GLI3: variants seen among roughly 807,000 people sequenced by gnomAD.
GLI3 encodes the protein GLI family zinc finger 3.
In GLI3, 20 loss-of-function variants were observed where a neutral mutation model predicts 100.8. That is an observed-to-expected ratio of 0.20 (90% CI 0.14 to 0.29). GLI3 has a LOEUF of 0.29. GLI3 is among the 10% of genes least tolerant of loss of function. The pLI is 1.00. For synonymous variants in GLI3, 938 were observed against 860.5 expected, an observed-to-expected ratio of 1.09 and a Z score of -1.58; for missense variants, 2,040 against 2,128.5, an observed-to-expected ratio of 0.96 and a Z score of 0.82.
chr7:42,182,717 T>TAC (rs66997611), intron 2 of GLI3, among the ~76,000 whole-genome samples: 1,889 of 118,654 alleles, frequency 0.016, 35 homozygotes, highest in African/African-American at 0.034. Flanking sequence ...CACATATAAA[T>TAC]ACACACACAC....
At chr7:42,259,036 T>C (rs889186277) in intron 1 of GLI3, among the ~76,000 whole-genome samples, 2 of 152,242 alleles carry the variant, frequency 1.3e-5, no homozygotes, top group Non-Finnish European at 2.9e-5. Context: ...ATGGGCTCCA[T>C]GGCAGACCTC....
In GLI3 at chr7:42,148,392, C is replaced by T. The variant is rs1194051464; in HGVS notation, c.201G>A (p.Gly67=). The part of the protein sequence containing the change: ...AITMQPQNVQ[G]LSKVSEEPST... ...AAGGTTCCTCACTGACTTTGCTGAG[C>T]CCCTGGACATTCTGTGGCTGCATAG... Residue 67 remains glycine (G), a synonymous_variant, in exon 3 of 15, where the codon GGG becomes GGA. Transcript: ENST00000395925. 2.5e-6 allele frequency: 4 copies of T among 1,614,126 alleles called. No homozygotes were observed. The highest frequency in any genetic ancestry group is 2.2e-5 in the East Asian group (1 of 44,872).
chr7:42,009,357 AAAATAGAGTT>A (rs1179079550), intron 10 of GLI3, among the ~76,000 whole-genome samples: 1 of 152,158 alleles, frequency 6.6e-6, no homozygotes, highest in Non-Finnish European at 1.5e-5. Flanking sequence ...TATGATAATA[AAAATAGAGTT>A]TTCTCTAGAA....
intron 10 of GLI3, among the ~76,000 whole-genome samples, chr7:42,001,236 C>CAA (rs10700047): frequency 0.19 from 16,082 of 85,132 alleles, 1,703 homozygotes; most frequent in East Asian, 0.47. Flanking sequence ...GACTATGTCT[C>CAA]AAAAAAAAAA....
chr7:41,967,951 A>G (rs1448357073), intron 13 of GLI3, 28 bp from the exon 14 acceptor site: 16 of 1,583,488 alleles, frequency 1.0e-5, no homozygotes, highest in Non-Finnish European at 1.4e-5. Flanking sequence ...AAAGGAAAGA[A>G]ATGTCACCAG....
chr7:42,042,932 G>A (rs904916067), intron 6 of GLI3, among the ~76,000 whole-genome samples: 1 of 152,030 alleles, frequency 6.6e-6, no homozygotes, highest in African/African-American at 2.4e-5. Flanking sequence ...GTAGAATTGG[G>A]ACCATAAACA....
intron 10 of GLI3, among the ~76,000 whole-genome samples, chr7:42,020,449 C>G (rs2128729340): frequency 6.6e-6 from 1 of 152,228 alleles, no homozygotes; most frequent in East Asian, 1.9e-4. Context: ...CTTTAGCAGG[C>G]AGTCGGGACT....
intron 3 of GLI3, among the ~76,000 whole-genome samples, chr7:42,085,629 A>G (rs150749208): frequency 1.2e-4 from 19 of 152,296 alleles, no homozygotes; most frequent in African/African-American, 3.4e-4. Flanking sequence ...TTCTATTCCA[A>G]TACCAGAGCA....
At chr7:42,235,782 C>T (rs192526707) in intron 1 of GLI3, among the ~76,000 whole-genome samples, 153 of 152,344 alleles carry the variant, frequency 1.0e-3, no homozygotes, top group African/African-American at 3.5e-3. Flanking sequence ...GAGACGCAGA[C>T]AGTCCATCAT....
At chr7:42,163,921 T>C (rs1209882735) in intron 2 of GLI3, among the ~76,000 whole-genome samples, 1 of 152,246 alleles carries the variant, frequency 6.6e-6, no homozygotes, top group Non-Finnish European at 1.5e-5. Flanking sequence ...TTCCGGCCAC[T>C]CTGTTCAAGT....
chr7:42,148,401 A>G lies in GLI3; in HGVS notation c.192T>C (p.Asn64=), dbSNP rs1583599491. 2 of 1,613,820 alleles carry G rather than the reference A, an allele frequency of 1.2e-6. No individual in the cohort carries two copies. Among genetic ancestry groups the G allele is most frequent in the East Asian group, 2.2e-5 (1 of 44,864 alleles). ...CACTGACTTTGCTGAGCCCCTGGAC[A>G]TTCTGTGGCTGCATAGTGATTGCGT... ...RRNAITMQPQ[N]VQGLSKVSEE... The change falls in exon 3 of 15, where the codon AAT becomes AAC. Residue 64 remains asparagine, a synonymous_variant. Transcript: ENST00000395925.
chr7:42,236,264 G>A (rs957456449), intron 1 of GLI3, among the ~76,000 whole-genome samples: 2 of 152,172 alleles, frequency 1.3e-5, no homozygotes, highest in African/African-American at 4.8e-5. Flanking sequence ...CTGCTGCTCT[G>A]TGTAAACGCG....
rs1554337073 is a variant in GLI3, at chr7:42,182,662, A to ATATATATACATGTGTG, written c.125-34195_125-34194insCACACATGTATATATA. 5.1e-4 allele frequency among the ~76,000 whole-genome samples: 39 copies of ATATATATACATGTGTG among 76,702 alleles called. 3 individuals are homozygous for ATATATATACATGTGTG. Among genetic ancestry groups the ATATATATACATGTGTG allele is most frequent in the African/African-American group, 2.3e-3 (35 of 14,960 alleles). 50.3% of individuals were successfully genotyped at this position (76,702 alleles called of 152,430 possible). A position where few individuals can be genotyped will look rare whatever the true frequency, so the allele number is the denominator to read the frequency against. ...TGTGTGTGTATATATATATATATAT[A>ATATATATACATGTGTG]TATATATATATATATATATACACAT... On this transcript the variant is annotated intron_variant, in intron 2 of 14. Transcript: ENST00000395925.
chr7:41,968,739 A>AGAAGGAAG (rs1491466787), intron 13 of GLI3, among the ~76,000 whole-genome samples: 2 of 133,168 alleles, frequency 1.5e-5, no homozygotes, highest in African/African-American at 6.8e-5. Context: ...AAAGAAAGAA[A>AGAAGGAAG]GAAAGAAAGA....
intron 3 of GLI3, among the ~76,000 whole-genome samples, chr7:42,120,421 A>G (rs933616318): frequency 2.0e-5 from 3 of 152,208 alleles, no homozygotes; most frequent in Admixed American, 2.0e-4. Flanking sequence ...CTGGTTCCAC[A>G]GCAGAAAGAC....
chr7:41,994,672 TTGTCTTTTACCTCCCCACCAAAGTA>T (rs1396271806), intron 10 of GLI3, among the ~76,000 whole-genome samples: 2 of 152,238 alleles, frequency 1.3e-5, no homozygotes, highest in Non-Finnish European at 2.9e-5. Flanking sequence ...TTTTCTTGCT[TTGTCTTTTACCTCCCCACCAAAGTA>T]AGAATTTCAT....
rs1178050966 is a variant in GLI3, at chr7:41,972,187, G to T, written c.2103+150C>A. The T allele has an allele frequency of 1.4e-5, 11 of 781,532 alleles. No individual in the cohort carries two copies. In the East Asian group the frequency reaches 2.4e-4, roughly 17 times the overall value. 48.4% of individuals were successfully genotyped at this position (781,532 alleles called of 1,614,324 possible). A position where few individuals can be genotyped will look rare whatever the true frequency, so the allele number is the denominator to read the frequency against. On this transcript the variant is annotated intron_variant, in intron 13 of 14. Transcript: ENST00000395925. This position sits in a 1 kb window ranked among gnomAD's most constrained non-coding sequence, Gnocchi z 4.4. Reference sequence around the variant, plus strand: ...CTTTTTCTGAGCTGATCGACTTCACGTAAGCAATACGGGTCACTGCCCTCA... The same window carrying T: ...CTTTTTCTGAGCTGATCGACTTCACTTAAGCAATACGGGTCACTGCCCTCA...
intron 7 of GLI3, among the ~76,000 whole-genome samples, chr7:42,032,928 G>T (rs1198381467): frequency 6.6e-6 from 1 of 152,082 alleles, no homozygotes; most frequent in Non-Finnish European, 1.5e-5. Flanking sequence ...TCCTAGAGTT[G>T]CCATGGAATA....
intron 10 of GLI3, among the ~76,000 whole-genome samples, chr7:42,009,997 T>G (rs1415004255): frequency 6.6e-6 from 1 of 152,246 alleles, no homozygotes; most frequent in Non-Finnish European, 1.5e-5. Context: ...ATCTTTTGTA[T>G]GTATCTAACT....
Sources: gnomAD v4.1 joint callset for allele counts (sites outside exome capture counted in the v4.1 genomes callset) on GRCh38, gnomAD v4.1.1 for gene constraint, Gnocchi (gnomAD v3.1) non-coding constraint, MANE v1.5 for transcripts, NCBI Gene and HGNC (gene_info 2026-07-23, HGNC 2026-07-21) for gene names.